The following PLCXD3 variants were observed in gnomAD, a reference collection of about 807,000 sequenced individuals.
PLCXD3 encodes the protein PI-PLC X domain-containing protein 3.
In PLCXD3, 19 loss-of-function variants were observed where a neutral mutation model predicts 25.5. That is an observed-to-expected ratio of 0.75 (90% CI 0.52 to 1.09). The LOEUF (loss-of-function observed/expected upper bound fraction) is 1.09. PLCXD3 is among the 50% of genes least tolerant of loss of function. The pLI, the probability that PLCXD3 is intolerant of heterozygous loss-of-function variation, is 0.00. For missense variants in PLCXD3, 411 were observed against 388.1 expected (o/e 1.06, Z -0.50); for synonymous variants, 174 against 137.6 (o/e 1.26, Z -1.85).
chr5:41,332,827 A>G (rs1036869913), intron 2 of PLCXD3, among the ~76,000 whole-genome samples: 3 of 152,188 alleles, frequency 2.0e-5, no homozygotes, highest in Non-Finnish European at 4.4e-5. Context: ...CATCATTCTC[A>G]GTAAACTATC....
intron 1 of PLCXD3, among the ~76,000 whole-genome samples, chr5:41,436,934 A>G (rs535340675): frequency 1.3e-5 from 2 of 152,212 alleles, no homozygotes; most frequent in Non-Finnish European, 2.9e-5. Context: ...ACTTAAATGA[A>G]AGTACCCCCT....
At chr5:41,354,332 T>C (rs1162854101) in intron 2 of PLCXD3, among the ~76,000 whole-genome samples, 1 of 152,122 alleles carries the variant, frequency 6.6e-6, no homozygotes, top group African/African-American at 2.4e-5. Context: ...TTGAAGCAAA[T>C]GGTCATCATC....
chr5:41,470,358 A>C (rs1389879400), intron 1 of PLCXD3, among the ~76,000 whole-genome samples: 4 of 150,928 alleles, frequency 2.7e-5, no homozygotes, highest in African/African-American at 7.3e-5. Flanking sequence ...AAAGAAAGAC[A>C]ATCATTTCAG....
At position 41,486,319 on chromosome 5, in the gene PLCXD3, C is replaced by G. The variant is rs78723878; in HGVS notation, c.103+24105G>C. On this transcript the variant is annotated intron_variant, in intron 1 of 2. Coordinates refer to ENST00000377801, the MANE Select transcript of PLCXD3 (RefSeq NM_001005473.3). The stretch of plus-strand genomic sequence containing the variant: ...AAAACTCTTGGTGGTCATCGTCCCC[C>G]CTGGATAAGGATATTCTCCCAATCA... Among the ~76,000 whole-genome samples, 146 of 151,750 alleles carry G rather than the reference C, an allele frequency of 9.6e-4. No individual in the cohort carries two copies. The East Asian group carries it at 0.025, about 26-fold the overall frequency.
intron 2 of PLCXD3, among the ~76,000 whole-genome samples, chr5:41,353,115 CAG>C (rs1238804747): frequency 7.1e-6 from 1 of 140,496 alleles, no homozygotes; most frequent in Non-Finnish European, 1.5e-5. Flanking sequence ...TTTTTTGAGA[CAG>C]AGTCTCGCTC....
chr5:41,350,546 T>C (rs1283247564), intron 2 of PLCXD3, among the ~76,000 whole-genome samples: 1 of 152,226 alleles, frequency 6.6e-6, no homozygotes, highest in Non-Finnish European at 1.5e-5. Context: ...CTTCAAGGTA[T>C]GGAATAATTG....
rs1273653363 is a variant in PLCXD3 at position 41,311,127 on chromosome 5, A to T, written c.*2490T>A. ...ATTTATAAAATTAAATTCATGTGTC[A>T]TTGCAAATATTCTTGGCTAAGATCC... On this transcript the variant is annotated 3_prime_UTR_variant, in exon 3 of 3. Transcript: ENST00000377801. 6.6e-6 allele frequency: 1 copy of T among 152,178 alleles called. No individual in the cohort carries two copies. Among genetic ancestry groups the T allele is most frequent in the Non-Finnish European group, 1.5e-5 (1 of 68,020 alleles). 9.4% of individuals were successfully genotyped at this position (152,178 alleles called of 1,614,324 possible). A position where few individuals can be genotyped will look rare whatever the true frequency, so the allele number is the denominator to read the frequency against.
chr5:41,468,435 A>G (rs1472063376), intron 1 of PLCXD3, among the ~76,000 whole-genome samples: 7 of 152,194 alleles, frequency 4.6e-5, no homozygotes, highest in East Asian at 3.9e-4. Context: ...TTTGATGAGA[A>G]TTTCTTTGCA....
intron 1 of PLCXD3, among the ~76,000 whole-genome samples, chr5:41,463,128 A>G (rs2150517562): frequency 6.6e-6 from 1 of 152,196 alleles, no homozygotes; most frequent in Middle Eastern, 3.4e-3. Flanking sequence ...TGTATCTTTT[A>G]TAATCAATTG....
In PLCXD3 at chr5:41,382,547, CA is replaced by C. The variant is rs1328965161; in HGVS notation, c.104-14del. The C allele has an allele frequency of 2.7e-5, 42 of 1,571,178 alleles. No individual in the cohort carries two copies. Among genetic ancestry groups the C allele is most frequent in the Non-Finnish European group, 3.6e-5 (42 of 1,161,160 alleles). ...GAATCATGAGACCCTAGGAGAATAA[CA>C]AGGCATAGTGTGGTTAATTTCCACG... On this transcript the variant is annotated splice_polypyrimidine_tract_variant and intron_variant, in intron 1 of 2. Transcript: ENST00000377801.
At chr5:41,331,030 T>C (rs1743787204) in intron 2 of PLCXD3, among the ~76,000 whole-genome samples, 1 of 151,838 alleles carries the variant, frequency 6.6e-6, no homozygotes, top group African/African-American at 2.4e-5. Context: ...CTTTGAAAAC[T>C]GGCACAAGAC....
In PLCXD3 at chr5:41,311,992, AAAT is replaced by A. The variant is rs1474091510; in HGVS notation, c.*1622_*1624del. 6.6e-6 allele frequency: 1 copy of A among 152,606 alleles called. No homozygotes were observed. Among genetic ancestry groups the A allele is most frequent in the Non-Finnish European group, 1.5e-5 (1 of 68,030 alleles). 9.5% of individuals were successfully genotyped at this position (152,606 alleles called of 1,614,324 possible). A position where few individuals can be genotyped will look rare whatever the true frequency, so the allele number is the denominator to read the frequency against. ...GTGATTATTTCTAAACATGAAAATAAAATAATTAATAATTGTAAGAATTTCATC... is the reference window on the plus strand; with the variant it reads ...GTGATTATTTCTAAACATGAAAATAAAATTAATAATTGTAAGAATTTCATC... On this transcript the variant is annotated 3_prime_UTR_variant, in exon 3 of 3. Transcript: ENST00000377801.
chr5:41,493,747 C>T (rs774827290), intron 1 of PLCXD3, among the ~76,000 whole-genome samples: 27 of 152,286 alleles, frequency 1.8e-4, no homozygotes, highest in East Asian at 3.9e-4. Context: ...AGCCAGGTGC[C>T]GGGTATAATC....
intron 1 of PLCXD3, among the ~76,000 whole-genome samples, chr5:41,481,047 A>C (rs966155841): frequency 6.6e-6 from 1 of 151,188 alleles, no homozygotes; most frequent in Non-Finnish European, 1.5e-5. Flanking sequence ...AATACCTACC[A>C]AATTTATAAT....
chr5:41,492,282 T>G (rs565047594), intron 1 of PLCXD3, among the ~76,000 whole-genome samples: 14 of 152,218 alleles, frequency 9.2e-5, no homozygotes, highest in Admixed American at 9.2e-4. Flanking sequence ...TTCTGGCTTG[T>G]AGAGTTTCTG....
At chr5:41,390,967 G>C (rs1745797086) in intron 1 of PLCXD3, among the ~76,000 whole-genome samples, 1 of 152,166 alleles carries the variant, frequency 6.6e-6, no homozygotes, top group Admixed American at 6.5e-5. Context: ...CAGCAGAAAT[G>C]AAAATTGGAC....
At chr5:41,464,587 A>T (rs1209097964) in intron 1 of PLCXD3, among the ~76,000 whole-genome samples, 1 of 152,074 alleles carries the variant, frequency 6.6e-6, no homozygotes, top group Admixed American at 6.6e-5. Flanking sequence ...ATAATAAAAA[A>T]ATTGAAAAAA....
chr5:41,330,173 T>C (rs906731641), intron 2 of PLCXD3, among the ~76,000 whole-genome samples: 1 of 151,578 alleles, frequency 6.6e-6, no homozygotes, highest in Non-Finnish European at 1.5e-5. Flanking sequence ...AAGATTATTA[T>C]AAAAATGTCA....
intron 1 of PLCXD3, among the ~76,000 whole-genome samples, chr5:41,422,748 C>G (rs896678097): frequency 3.3e-5 from 5 of 152,196 alleles, no homozygotes; most frequent in African/African-American, 9.6e-5. Context: ...TTCCAGGTAT[C>G]TTTTACTTCG....
Sources: gnomAD v4.1 joint callset for allele counts (sites outside exome capture counted in the v4.1 genomes callset) on GRCh38, gnomAD v4.1.1 for gene constraint, MANE v1.5 for transcripts, NCBI Gene and HGNC (gene_info 2026-07-23, HGNC 2026-07-21) for gene names.